Variants in UGT1A8 observed in about 807,000 individuals in gnomAD.
The protein encoded by UGT1A8 is UDP-glucuronosyltransferase 1A8.
UGT1A8 carries 39 observed loss-of-function variants against 45.3 expected under a neutral mutation model. The observed-to-expected ratio is 0.86, with a 90% confidence interval of 0.67 to 1.12. UGT1A8 has a LOEUF of 1.12. Among genes scored for constraint, UGT1A8 ranks in the 50% most tolerant of loss-of-function variants. The probability of loss-of-function intolerance (pLI) is 0.00; values close to 1 mark genes in which losing one functional copy is unlikely to be tolerated. For synonymous variants in UGT1A8, 275 were observed against 249.2 expected, an observed-to-expected ratio of 1.10 and a Z score of -0.97; for missense variants, 719 against 664.9, an observed-to-expected ratio of 1.08 and a Z score of -0.90.
intron 1 of UGT1A8, among the ~76,000 whole-genome samples, chr2:233,626,361 T>A (rs9678241): frequency 0.24 from 36,642 of 151,788 alleles, 4,897 homozygotes; most frequent in East Asian, 0.51. Flanking sequence ...CAAGTAGTGA[T>A]TGGAAAGCAC....
chr2:233,623,779 G>T (rs537227447), intron 1 of UGT1A8, among the ~76,000 whole-genome samples: 2 of 152,130 alleles, frequency 1.3e-5, no homozygotes, highest in East Asian at 1.9e-4. Flanking sequence ...TTTGATAAGG[G>T]TGTCAAGATC....
chr2:233,636,141 TCTA>T (rs2073285147), intron 1 of UGT1A8, among the ~76,000 whole-genome samples: 1 of 151,006 alleles, frequency 6.6e-6, no homozygotes, highest in African/African-American at 2.4e-5. Flanking sequence ...AAAGTCAAAA[TCTA>T]AATTTTGCTT....
chr2:233,619,637 T>G (rs2072964986), intron 1 of UGT1A8, among the ~76,000 whole-genome samples: 2 of 152,234 alleles, frequency 1.3e-5, no homozygotes, highest in South Asian at 2.1e-4. Flanking sequence ...CATTTATTCC[T>G]TGGCATTTTA....
intron 1 of UGT1A8, among the ~76,000 whole-genome samples, chr2:233,746,316 G>A (rs1048806578): frequency 1.3e-5 from 2 of 151,828 alleles, no homozygotes; most frequent in Non-Finnish European, 2.9e-5. Flanking sequence ...GGGCCCTGTA[G>A]ATGATCTACA....
chr2:233,727,761 T>C (rs1235898236), intron 1 of UGT1A8, among the ~76,000 whole-genome samples: 2 of 152,210 alleles, frequency 1.3e-5, no homozygotes, highest in South Asian at 4.1e-4. Context: ...GCCCTTGAGC[T>C]GGGTGTCCCC....
chr2:233,693,701 G>T (rs984756708), intron 1 of UGT1A8: 2 of 1,614,074 alleles, frequency 1.2e-6, no homozygotes, highest in East Asian at 2.2e-5. Flanking sequence ...TGAAGAACTC[G>T]CATCAGCTGT....
intron 1 of UGT1A8, among the ~76,000 whole-genome samples, chr2:233,638,392 C>G (rs144355083): frequency 6.6e-6 from 1 of 152,234 alleles, no homozygotes; most frequent in African/African-American, 2.4e-5. Context: ...ACATCACTAA[C>G]TTTTCTTATT....
intron 1 of UGT1A8, among the ~76,000 whole-genome samples, chr2:233,650,265 T>C (rs1304576634): frequency 6.6e-6 from 1 of 152,174 alleles, no homozygotes; most frequent in Non-Finnish European, 1.5e-5. Flanking sequence ...CCACCGTACC[T>C]GGCCAAGGTC....
At chr2:233,730,362 G>A (rs1205514330) in intron 1 of UGT1A8, among the ~76,000 whole-genome samples, 3 of 152,178 alleles carry the variant, frequency 2.0e-5, no homozygotes, top group Non-Finnish European at 4.4e-5. Context: ...TTTTTTGCTA[G>A]CATGATTTTC....
chr2:233,733,620 A>G lies in UGT1A8; in HGVS notation c.856-33414A>G, dbSNP rs138642238. ...TGATGGATTACATTTATTGATTTGC[A>G]TATGTTGAACCAGCCTTGCATCCCA... On this transcript the variant is annotated intron_variant, in intron 1 of 4. Coordinates refer to ENST00000373450, the MANE Select transcript of UGT1A8 (RefSeq NM_019076.5). 5.8e-3 allele frequency among the ~76,000 whole-genome samples: 878 copies of G among 152,316 alleles called. 10 individuals are homozygous for G. Among genetic ancestry groups the G allele is most frequent in the African/African-American group, 0.02 (842 of 41,576 alleles).
At chr2:233,767,827 C>G in intron 2 of UGT1A8, 22 bp from the exon 3 acceptor site, 2 of 1,614,176 alleles carry the variant, frequency 1.2e-6, no homozygotes, top group Non-Finnish European at 1.7e-6. Flanking sequence ...TCTTTACGTT[C>G]TGCTCTTTTT....
At chr2:233,770,057 T>C (rs1700010876) in intron 4 of UGT1A8, 1 of 154,188 alleles carries the variant, frequency 6.5e-6, no homozygotes, top group Admixed American at 6.5e-5. Context: ...GCTCACATTA[T>C]GGATATAATT....
chr2:233,631,688 T>C (rs2073189178), intron 1 of UGT1A8, among the ~76,000 whole-genome samples: 2 of 152,210 alleles, frequency 1.3e-5, no homozygotes, highest in Non-Finnish European at 2.9e-5. Flanking sequence ...TGGGGTTTTT[T>C]TTTCTTGTAA....
chr2:233,757,904 G>A (rs539067389), intron 1 of UGT1A8, among the ~76,000 whole-genome samples: 3 of 152,170 alleles, frequency 2.0e-5, no homozygotes, highest in African/African-American at 4.8e-5. Context: ...TTCCATGGAC[G>A]TGTCACTCTT....
Position 233,769,847 on chromosome 2 carries a change from G to C in UGT1A8, c.1295+1408G>C. On this transcript the variant is annotated intron_variant, in intron 4 of 4. Transcript: ENST00000373450. The surrounding 1 kb of genome is among the most constrained non-coding windows in gnomAD (Gnocchi z 4.4). Reference sequence around the variant, plus strand: ...TCCAGCAACCTGGGCAACAGAGTGAGACCCTGTCTCAAAAAAAAAAAAAAA... The same window carrying C: ...TCCAGCAACCTGGGCAACAGAGTGACACCCTGTCTCAAAAAAAAAAAAAAA... 1 of 475,506 alleles carries C rather than the reference G, an allele frequency of 2.1e-6. No homozygotes were observed. The highest frequency in any genetic ancestry group is 3.3e-6 in the Non-Finnish European group (1 of 298,626). The allele number at this position is 475,506 out of a possible 1,614,324, so 29.5% of individuals were successfully genotyped here.
chr2:233,626,784 T>C (rs1398435418), intron 1 of UGT1A8, among the ~76,000 whole-genome samples: 1 of 152,082 alleles, frequency 6.6e-6, no homozygotes, highest in Non-Finnish European at 1.5e-5. Context: ...GATGTTGGGT[T>C]TGGAAGCAGG....
chr2:233,618,479 G>C lies in UGT1A8; in HGVS notation c.772G>C (p.Val258Leu). ...TSIWLLRTDF[V>L]LDYPKPVMPN... Reference sequence around the variant, plus strand: ...AATTTGGTTGTTGCGAACAGACTTTGTTTTGGACTATCCCAAACCCGTGAT... The same window carrying C: ...AATTTGGTTGTTGCGAACAGACTTTCTTTTGGACTATCCCAAACCCGTGAT... Residue 258 changes from valine (V) to leucine (L), a missense_variant, in exon 1 of 5, where the codon GTT (valine) becomes CTT (leucine). By Grantham distance (32) the Val-to-Leu change is conservative. Coordinates refer to ENST00000373450, the MANE Select transcript of UGT1A8 (RefSeq NM_019076.5). 1 of 1,613,840 alleles carries C rather than the reference G, an allele frequency of 6.2e-7. No homozygotes were observed. Among genetic ancestry groups the C allele is most frequent in the Non-Finnish European group, 8.5e-7 (1 of 1,179,808 alleles).
Position 233,725,052 on chromosome 2 carries a change from C to T in UGT1A8, c.856-41982C>T, listed in dbSNP as rs575446926. ...CTCCACCAAAACCAGTCAGGCGTGG[C>T]GGCGCGCGCCTGCAATCGCAGGCAC... On this transcript the variant is annotated intron_variant, in intron 1 of 4. Coordinates refer to ENST00000373450, the MANE Select transcript of UGT1A8 (RefSeq NM_019076.5). Among the ~76,000 whole-genome samples the T allele has an allele frequency of 7.1e-4, 105 of 147,652 alleles. 7 individuals are homozygous for T. The highest frequency in any genetic ancestry group is 1.2e-3 in the Non-Finnish European group (79 of 67,134).
intron 1 of UGT1A8, among the ~76,000 whole-genome samples, chr2:233,697,134 A>G (rs537171274): frequency 4.9e-4 from 74 of 151,982 alleles, no homozygotes; most frequent in Non-Finnish European, 9.4e-4. Context: ...ATTTTTCTGT[A>G]ATAGTTTGAG....
Sources: gnomAD v4.1 joint callset for allele counts (sites outside exome capture counted in the v4.1 genomes callset) on GRCh38, gnomAD v4.1.1 for gene constraint, Gnocchi (gnomAD v3.1) non-coding constraint, MANE v1.5 for transcripts, NCBI Gene and HGNC (gene_info 2026-07-23, HGNC 2026-07-21) for gene names.